Variants in SYT1 observed in about 807,000 individuals in gnomAD.
SYT1 encodes synaptotagmin-1.
SYT1 carries 8 observed loss-of-function variants against 44.8 expected under a neutral mutation model. The ratio of observed to expected loss-of-function variants is 0.18; its 90% CI spans 0.10 to 0.32. SYT1 has a LOEUF of 0.32. SYT1 is among the 10% of genes least tolerant of loss of function. The pLI, the probability that SYT1 is intolerant of heterozygous loss-of-function variation, is 1.00. For synonymous variants in SYT1, 154 were observed against 188.8 expected (o/e 0.82, Z 1.51); for missense variants, 286 against 509.3 (o/e 0.56, Z 4.22).
chr12:79,157,368 A>T (rs774563340), intron 3 of SYT1, among the ~76,000 whole-genome samples: 1 of 152,314 alleles, frequency 6.6e-6, no homozygotes, highest in Non-Finnish European at 1.5e-5. Flanking sequence ...ACAGACTGAC[A>T]CTAGGTGAAA....
In SYT1 at chr12:79,448,927, G is replaced by A. The variant is rs751664626; in HGVS notation, c.1072G>A (p.Val358Met). Residue 358 changes from valine to methionine, a missense_variant, in exon 11 of 11, where the codon GTG becomes ATG. Physicochemically the swap from Val to Met is conservative, Grantham distance 21 (BLOSUM62 1). This residue lies in a region of SYT1 where 14 missense variants were observed against 16.2 expected (regional missense o/e 0.86). Transcript: ENST00000261205. ...TCATGGCTTCTTTCAGAAAGTGCAG[G>A]TGGTGGTAACTGTTTTGGACTATGA... ...VPFEQIQKVQ[V>M]VVTVLDYDKI... The A allele has an allele frequency of 1.7e-5, 28 of 1,614,134 alleles. No individual in the cohort carries two copies. Among genetic ancestry groups the A allele is most frequent in the Non-Finnish European group, 2.2e-5 (26 of 1,179,994 alleles).
chr12:79,229,182 T>A (rs1354142479), intron 4 of SYT1, among the ~76,000 whole-genome samples: 1 of 152,194 alleles, frequency 6.6e-6, no homozygotes, highest in Non-Finnish European at 1.5e-5. Context: ...AAGCTGTCCT[T>A]CCAATACATG....
chr12:79,134,247 C>T (rs1869038733), intron 3 of SYT1, among the ~76,000 whole-genome samples: 1 of 152,138 alleles, frequency 6.6e-6, no homozygotes, highest in Admixed American at 6.6e-5. Flanking sequence ...AAATCATTTT[C>T]CTCAATCAAT....
intron 2 of SYT1, among the ~76,000 whole-genome samples, chr12:78,989,350 TTAA>T (rs146922792): frequency 0.029 from 4,392 of 152,234 alleles, 217 homozygotes; most frequent in African/African-American, 0.1. Flanking sequence ...TTAAATATTA[TTAA>T]TATTTGTTAT....
chr12:79,090,278 T>G (rs1877683487), intron 3 of SYT1, among the ~76,000 whole-genome samples: 1 of 152,036 alleles, frequency 6.6e-6, no homozygotes, highest in African/African-American at 2.4e-5. Flanking sequence ...GTTCAAATTT[T>G]GATACAATAA....
chr12:79,247,056 T>C (rs767125194), intron 4 of SYT1, among the ~76,000 whole-genome samples: 5 of 152,158 alleles, frequency 3.3e-5, no homozygotes, highest in Non-Finnish European at 7.4e-5. Context: ...AGGATAAAGG[T>C]TTTTTTAATC....
intron 1 of SYT1, among the ~76,000 whole-genome samples, chr12:78,912,536 T>C (rs1876400568): frequency 6.6e-6 from 1 of 151,948 alleles, no homozygotes; most frequent in Non-Finnish European, 1.5e-5. Flanking sequence ...TTGGTTATTG[T>C]AATAATCTGG....
At chr12:79,014,138 A>AG (rs1565762755) in intron 2 of SYT1, among the ~76,000 whole-genome samples, 1 of 141,700 alleles carries the variant, frequency 7.1e-6, no homozygotes, top group East Asian at 2.0e-4. Context: ...AAAAAAAAAA[A>AG]GAAAAAAAAA....
At chr12:79,445,497 T>C (rs1870658293) in intron 10 of SYT1, among the ~76,000 whole-genome samples, 1 of 152,042 alleles carries the variant, frequency 6.6e-6, no homozygotes, top group African/African-American at 2.4e-5. Context: ...TTCTACCTTT[T>C]ATTTCTATGA....
Position 79,305,373 on chromosome 12 carries a change from C to T in SYT1, c.810+5822C>T, listed in dbSNP as rs1003622624. 2.1e-4 allele frequency among the ~76,000 whole-genome samples: 32 copies of T among 152,146 alleles called. 1 individual carries two copies. The highest frequency in any genetic ancestry group is 6.0e-4 in the African/African-American group (25 of 41,424). On this transcript the variant is annotated intron_variant, in intron 8 of 10. Transcript: ENST00000261205. Reference sequence around the variant, plus strand: ...CACGTTGTCATACTTTAGCCTACTGCACCTGCCTTCCTTGTCACAGTGATA... The same window carrying T: ...CACGTTGTCATACTTTAGCCTACTGTACCTGCCTTCCTTGTCACAGTGATA...
At chr12:78,876,840 T>C (rs1874146179) in intron 1 of SYT1, among the ~76,000 whole-genome samples, 2 of 78,984 alleles carry the variant, frequency 2.5e-5, no homozygotes, top group African/African-American at 1.2e-4. Context: ...GTATTATATA[T>C]AATATATATT....
chr12:79,320,683 G>GC (rs966802832), intron 8 of SYT1, among the ~76,000 whole-genome samples: 8 of 134,428 alleles, frequency 6.0e-5, no homozygotes, highest in African/African-American at 2.0e-4. Flanking sequence ...ACAGAGTGGT[G>GC]CGATCTCAGC....
At chr12:79,377,131 A>C (rs1884028692) in intron 9 of SYT1, among the ~76,000 whole-genome samples, 1 of 81,590 alleles carries the variant, frequency 1.2e-5, no homozygotes, top group African/African-American at 1.1e-4. Flanking sequence ...TGTTTTTTTG[A>C]GACAGAGTCT....
intron 2 of SYT1, among the ~76,000 whole-genome samples, chr12:79,005,060 A>G (rs1432068310): frequency 6.6e-6 from 1 of 152,040 alleles, no homozygotes; most frequent in African/African-American, 2.4e-5. Context: ...TGGGCACAGT[A>G]AAACTTTCCT....
At chr12:79,315,074 A>C (rs1465901261) in intron 8 of SYT1, among the ~76,000 whole-genome samples, 3 of 152,224 alleles carry the variant, frequency 2.0e-5, no homozygotes, top group African/African-American at 7.2e-5. Flanking sequence ...TGATGGTTAC[A>C]TAACCCAGTG....
At chr12:79,179,478 G>GATATATCTATATATATCCATATAGATAT in intron 3 of SYT1, among the ~76,000 whole-genome samples, 1 of 17,996 alleles carries the variant, frequency 5.6e-5, no homozygotes, top group African/African-American at 2.0e-4. Context: ...TATAGATATA[G>GATATATCTATATATATCCATATAGATAT]AGATATAGAT....
intron 3 of SYT1, among the ~76,000 whole-genome samples, chr12:79,090,523 G>T (rs1276285371): frequency 6.6e-6 from 1 of 151,958 alleles, no homozygotes; most frequent in Non-Finnish European, 1.5e-5. Flanking sequence ...CATAAGCAGT[G>T]CTGGGGTTCA....
intron 1 of SYT1, among the ~76,000 whole-genome samples, chr12:78,934,104 ATGTGTGTATATACATATG>A (rs1242103937): frequency 6.6e-6 from 1 of 151,804 alleles, no homozygotes; most frequent in East Asian, 1.9e-4. Context: ...ACATATATAT[ATGTGTGTATATACATATG>A]TGTGTGTATA....
chr12:79,276,735 C>T (rs1248364492), intron 4 of SYT1, among the ~76,000 whole-genome samples: 1 of 150,252 alleles, frequency 6.7e-6, no homozygotes, highest in African/African-American at 2.4e-5. Context: ...GGGAATTACA[C>T]AACGCAGTTG....
Sources: allele counts gnomAD v4.1 joint callset (sites outside exome capture counted in the v4.1 genomes callset), GRCh38; gene constraint gnomAD v4.1.1; regional missense constraint gnomAD v4.1.1; transcripts MANE v1.5; gene names NCBI Gene and HGNC (gene_info 2026-07-23, HGNC 2026-07-21).